The following TMEM117 variants were observed in gnomAD, a reference collection of about 807,000 sequenced individuals.
The protein encoded by TMEM117 is transmembrane protein 117.
TMEM117 carries 27 observed loss-of-function variants against 52.4 expected under a neutral mutation model. That is an observed-to-expected ratio of 0.51 (90% CI 0.38 to 0.71). TMEM117 has a LOEUF of 0.71. Among genes scored for constraint, TMEM117 ranks in the 30% least tolerant of loss-of-function variants. TMEM117 has a pLI of 0.00. For synonymous variants in TMEM117, 215 were observed against 206.3 expected, an observed-to-expected ratio of 1.04 and a Z score of -0.36; for missense variants, 556 against 630.5, an observed-to-expected ratio of 0.88 and a Z score of 1.26.
chr12:43,840,670 G>A (rs535086123), intron 1 of TMEM117, among the ~76,000 whole-genome samples: 77 of 152,338 alleles, frequency 5.1e-4, no homozygotes, highest in Non-Finnish European at 9.0e-4. Flanking sequence ...TGCCCTGGCA[G>A]TAAACAGCCA....
At chr12:43,870,888 G>T (rs933627813) in intron 2 of TMEM117, among the ~76,000 whole-genome samples, 5 of 152,054 alleles carry the variant, frequency 3.3e-5, no homozygotes, top group Admixed American at 1.3e-4. Flanking sequence ...GGGTTCAAGC[G>T]ATTCTCCTGC....
chr12:43,922,206 CTCTT>C (rs1944706194), intron 2 of TMEM117, among the ~76,000 whole-genome samples: 1 of 152,110 alleles, frequency 6.6e-6, no homozygotes, highest in South Asian at 2.1e-4. Flanking sequence ...GTCTCTCTCT[CTCTT>C]TCTTGGTATT....
At position 43,999,604 on chromosome 12, in the gene TMEM117, A is replaced by G. The variant is rs538058750; in HGVS notation, c.410+55262A>G. Among the ~76,000 whole-genome samples the G allele has an allele frequency of 3.3e-5, 5 of 152,220 alleles. No individual in the cohort carries two copies. The East Asian group carries it at 9.7e-4, about 29-fold the overall frequency. ...TGTTTCCTACCACCTCAGCCTCCCAAGTAGGTGGGACTACAGGCACACGCC... is the reference window on the plus strand; with the variant it reads ...TGTTTCCTACCACCTCAGCCTCCCAGGTAGGTGGGACTACAGGCACACGCC... On this transcript the variant is annotated intron_variant, in intron 3 of 7. Coordinates refer to ENST00000266534, the MANE Select transcript of TMEM117 (RefSeq NM_032256.3).
intron 3 of TMEM117, among the ~76,000 whole-genome samples, chr12:44,130,789 A>T (rs751857156): frequency 1.8e-4 from 27 of 152,010 alleles, no homozygotes; most frequent in Non-Finnish European, 3.2e-4. Context: ...GATTTCACCT[A>T]AATTTTCATT....
At chr12:43,935,761 T>G (rs1944941890) in intron 2 of TMEM117, among the ~76,000 whole-genome samples, 1 of 152,198 alleles carries the variant, frequency 6.6e-6, no homozygotes, top group Non-Finnish European at 1.5e-5. Flanking sequence ...GTCCATCCCA[T>G]AAGCTCTTTC....
the TMEM117 span, among the ~76,000 whole-genome samples, chr12:43,824,603 G>A: frequency 2.6e-5 from 4 of 152,168 alleles, no homozygotes; most frequent in African/African-American, 4.8e-5. Flanking sequence ...AGAGGCTAGC[G>A]TGGGGCCTTG....
the TMEM117 span, among the ~76,000 whole-genome samples, chr12:43,825,619 G>A: frequency 6.6e-6 from 1 of 151,524 alleles, no homozygotes; most frequent in African/African-American, 2.4e-5. Context: ...TAAATATTAT[G>A]TGATTATATT....
intron 5 of TMEM117, among the ~76,000 whole-genome samples, chr12:44,217,324 C>A (rs1296339129): frequency 6.6e-6 from 1 of 152,110 alleles, no homozygotes; most frequent in African/African-American, 2.4e-5. Flanking sequence ...GGTGAGGGTT[C>A]ATCTGAGACA....
intron 6 of TMEM117, 80 bp downstream of exon 6, chr12:44,299,819 C>T (rs1950817167): frequency 6.6e-7 from 1 of 1,506,544 alleles, no homozygotes; most frequent in Non-Finnish European, 9.0e-7. Context: ...GCAACAGGCT[C>T]CATAAATCTA....
the TMEM117 span, among the ~76,000 whole-genome samples, chr12:43,814,586 C>T: frequency 6.6e-6 from 1 of 152,040 alleles, no homozygotes; most frequent in Non-Finnish European, 1.5e-5. Flanking sequence ...ACTAATTCAC[C>T]ACGAGGAGCT....
chr12:43,850,408 C>G (rs1009577583), intron 2 of TMEM117, among the ~76,000 whole-genome samples: 5 of 152,228 alleles, frequency 3.3e-5, no homozygotes, highest in Non-Finnish European at 5.9e-5. Flanking sequence ...ACTTCTTCCT[C>G]ACTCCAAACC....
chr12:44,247,104 T>A (rs528989352), intron 5 of TMEM117, among the ~76,000 whole-genome samples: 15 of 152,328 alleles, frequency 9.8e-5, no homozygotes, highest in African/African-American at 3.1e-4. Context: ...GCCCATTTAA[T>A]AGAAAGTATT....
chr12:44,396,848 CAAAA>C, the TMEM117 span, among the ~76,000 whole-genome samples: 2 of 66,416 alleles, frequency 3.0e-5, no homozygotes, highest in African/African-American at 4.9e-5. Context: ...AGTGAGACTC[CAAAA>C]AAAAAAAAAA....
chr12:44,274,200 C>T (rs1359087256), intron 5 of TMEM117, among the ~76,000 whole-genome samples: 1 of 151,826 alleles, frequency 6.6e-6, no homozygotes, highest in Admixed American at 6.6e-5. Context: ...AAAAAGTAAT[C>T]CCAGTGGCCA....
chr12:44,248,085 G>T (rs764351756), intron 5 of TMEM117, among the ~76,000 whole-genome samples: 1 of 152,170 alleles, frequency 6.6e-6, no homozygotes, highest in East Asian at 1.9e-4. Flanking sequence ...ATAGCCCCCA[G>T]TTGGGCGGGG....
intron 5 of TMEM117, among the ~76,000 whole-genome samples, chr12:44,223,901 T>C (rs1949824195): frequency 6.6e-6 from 1 of 152,202 alleles, no homozygotes; most frequent in Non-Finnish European, 1.5e-5. Flanking sequence ...TTCTGCCAAT[T>C]GGCTTGGCCC....
Position 44,209,440 on chromosome 12 carries a change from AATC to A in TMEM117, c.511-1846_511-1844del, listed in dbSNP as rs149287768. Among the ~76,000 whole-genome samples the A allele has an allele frequency of 2.3e-3, 355 of 152,252 alleles. 12 individuals carry two copies. The East Asian group carries it at 0.035, about 15-fold the overall frequency. Reference sequence around the variant, plus strand: ...CAAGAAGAAAATAAACAGTTGAAAAAATCATCGATGAACTAGTTTCTCTTTAAA... The same window carrying A: ...CAAGAAGAAAATAAACAGTTGAAAAAATCGATGAACTAGTTTCTCTTTAAA... On this transcript the variant is annotated intron_variant, in intron 4 of 7. Coordinates refer to ENST00000266534, the MANE Select transcript of TMEM117 (RefSeq NM_032256.3).
chr12:43,815,309 G>A, the TMEM117 span, among the ~76,000 whole-genome samples: 1 of 152,140 alleles, frequency 6.6e-6, no homozygotes, highest in Non-Finnish European at 1.5e-5. Flanking sequence ...GATACAAATT[G>A]TCAGTGCCTT....
chr12:43,879,986 G>T (rs1292748139), intron 2 of TMEM117, among the ~76,000 whole-genome samples: 1 of 152,186 alleles, frequency 6.6e-6, no homozygotes, highest in Non-Finnish European at 1.5e-5. Flanking sequence ...CAAGACAGAA[G>T]AATAATTCAT....
Sources: gnomAD v4.1 joint callset for allele counts (sites outside exome capture counted in the v4.1 genomes callset) on GRCh38, gnomAD v4.1.1 for gene constraint, MANE v1.5 for transcripts, NCBI Gene and HGNC (gene_info 2026-07-23, HGNC 2026-07-21) for gene names.